Variants in DMD observed in about 807,000 individuals in gnomAD.
DMD encodes dystrophin.
In DMD, 63 loss-of-function variants were observed where a neutral mutation model predicts 330.1. The observed-to-expected ratio is 0.19, with a 90% CI of 0.16 to 0.24. The LOEUF (loss-of-function observed/expected upper bound fraction) is 0.24. Among genes scored for constraint, DMD ranks in the 10% least tolerant of loss-of-function variants. The probability of loss-of-function intolerance (pLI) is 1.00; values close to 1 mark genes in which losing one functional copy is unlikely to be tolerated. For synonymous variants in DMD, 1,223 were observed against 959.8 expected, an observed-to-expected ratio of 1.27 and a Z score of -5.07; for missense variants, 3,344 against 2,684.1, an observed-to-expected ratio of 1.25 and a Z score of -5.43.
Position 32,427,184 on chromosome X carries a change from A to C in DMD, c.4071+11057T>G, listed in dbSNP as rs141307784. On this transcript the variant is annotated intron_variant, in intron 29 of 78. Coordinates refer to ENST00000357033, the MANE Select transcript of DMD (RefSeq NM_004006.3). ...GCTGGTAAAGAAAGACAAGAATCAA[A>C]GTTCATTTTAAAAGTTTTGGTATGA... 5.2e-3 allele frequency among the ~76,000 whole-genome samples: 577 copies of C among 111,816 alleles called. 4 individuals are homozygous for C. Among genetic ancestry groups the C allele is most frequent in the South Asian group, 0.048 (129 of 2,681 alleles).
chrX:33,129,320 G>GTTTGCTTTTTT (rs2095483453), intron 1 of DMD, among the ~76,000 whole-genome samples: 2 of 26,741 alleles, frequency 7.5e-5, no homozygotes, highest in African/African-American at 1.9e-4. Flanking sequence ...TACAGTTAAG[G>GTTTGCTTTTTT]TTTGCTTTTT....
At chrX:32,326,282 G>A (rs955014347) in intron 41 of DMD, among the ~76,000 whole-genome samples, 5 of 111,780 alleles carry the variant, frequency 4.5e-5, no homozygotes, top group African/African-American at 1.6e-4. Flanking sequence ...AAAGCAGGCA[G>A]TTAAAAAAAC....
intron 16 of DMD, among the ~76,000 whole-genome samples, chrX:32,550,621 A>G (rs1382145703): frequency 9.0e-6 from 1 of 110,817 alleles, no homozygotes; most frequent in Non-Finnish European, 1.9e-5. Context: ...AAGACAGGAA[A>G]TAACCAAAAT....
intron 25 of DMD, among the ~76,000 whole-genome samples, chrX:32,456,618 ATG>A (rs776009074): frequency 0.1 from 7,026 of 69,211 alleles, 214 homozygotes; most frequent in East Asian, 0.18. Context: ...GTGTGTGTGT[ATG>A]TGTGTGTGTG....
At chrX:32,873,417 C>A (rs972042648) in intron 2 of DMD, among the ~76,000 whole-genome samples, 2 of 110,263 alleles carry the variant, frequency 1.8e-5, no homozygotes, top group African/African-American at 6.6e-5. Flanking sequence ...ATATTAGAAC[C>A]ACCTGGATGA....
intron 67 of DMD, 124 bp downstream of exon 67, chrX:31,203,837 T>A: frequency 1.7e-6 from 1 of 596,453 alleles, no homozygotes; most frequent in Middle Eastern, 4.4e-4. Context: ...GTTCCAAATA[T>A]CCCAAATCCC....
At chrX:31,614,795 A>G (rs772464751) in intron 55 of DMD, among the ~76,000 whole-genome samples, 7 of 112,211 alleles carry the variant, frequency 6.2e-5, no homozygotes, top group Admixed American at 1.9e-4. Context: ...TTATTTTAAT[A>G]TAATTTAGAA....
At chrX:32,236,075 A>C (rs2097186585) in intron 43 of DMD, among the ~76,000 whole-genome samples, 1 of 112,056 alleles carries the variant, frequency 8.9e-6, no homozygotes, top group Admixed American at 9.5e-5. Context: ...ATAGTATTTG[A>C]GGTGATAGGA....
At chrX:31,414,562 T>C (rs907908683) in intron 60 of DMD, among the ~76,000 whole-genome samples, 2 of 112,179 alleles carry the variant, frequency 1.8e-5, no homozygotes, top group African/African-American at 6.5e-5. Flanking sequence ...AGACATTTAA[T>C]TAAAGTTCCA....
intron 1 of DMD, among the ~76,000 whole-genome samples, chrX:33,199,365 TA>T (rs1001729448): frequency 9.0e-6 from 1 of 110,662 alleles, no homozygotes; most frequent in African/African-American, 3.3e-5. Flanking sequence ...AATAACTGGG[TA>T]AAAAAGATCA....
At chrX:31,177,780 GAA>G in intron 71 of DMD, 150 bp downstream of exon 71, 1 of 447,437 alleles carries the variant, frequency 2.2e-6, no homozygotes, top group Non-Finnish European at 3.7e-6. Context: ...ATCAAGAAAA[GAA>G]AAAAAAAAAC....
chrX:31,369,554 T>A (rs1234447735), intron 60 of DMD, among the ~76,000 whole-genome samples: 1 of 111,639 alleles, frequency 9.0e-6, no homozygotes, highest in African/African-American at 3.3e-5. Flanking sequence ...GGGTGAAGCG[T>A]AGCGTTCATA....
intron 52 of DMD, among the ~76,000 whole-genome samples, chrX:31,701,333 CT>C (rs765047715): frequency 8.9e-6 from 1 of 112,171 alleles, no homozygotes; most frequent in South Asian, 3.7e-4. Context: ...CACCATCCAA[CT>C]ATTCAAGTTA....
intron 7 of DMD, among the ~76,000 whole-genome samples, chrX:32,777,409 A>T (rs185852349): frequency 9.1e-6 from 1 of 109,350 alleles, no homozygotes; most frequent in Non-Finnish European, 1.9e-5. Flanking sequence ...CAAGTATGGA[A>T]TTTCTCAGAA....
At chrX:31,177,493 G>T (rs2148273769) in intron 71 of DMD, among the ~76,000 whole-genome samples, 1 of 111,634 alleles carries the variant, frequency 9.0e-6, no homozygotes, top group Non-Finnish European at 1.9e-5. Flanking sequence ...ATTTTTAATA[G>T]TCCACTTATA....
intron 2 of DMD, 64 bp from the exon 3 acceptor site, chrX:32,849,884 T>C (rs1049864748): frequency 2.4e-6 from 2 of 835,718 alleles, no homozygotes; most frequent in Admixed American, 4.5e-5. Flanking sequence ...TTTTCACGAT[T>C]ATCCCCTTTT....
intron 47 of DMD, among the ~76,000 whole-genome samples, chrX:31,922,777 C>A (rs954036858): frequency 2.7e-5 from 3 of 111,409 alleles, no homozygotes; most frequent in African/African-American, 9.8e-5. Context: ...CCATACACAG[C>A]GTAACATTTC....
chrX:31,184,065 C>G (rs1199075750), intron 67 of DMD, among the ~76,000 whole-genome samples: 1 of 110,483 alleles, frequency 9.1e-6, no homozygotes, highest in Non-Finnish European at 1.9e-5. Context: ...CACGCCACCC[C>G]ACCCGGCTAC....
intron 53 of DMD, among the ~76,000 whole-genome samples, chrX:31,678,115 C>A (rs1022663201): frequency 1.8e-5 from 2 of 112,024 alleles, no homozygotes; most frequent in Non-Finnish European, 3.8e-5. Context: ...TATGATATAA[C>A]CAAGAAAGCA....
Sources: allele counts gnomAD v4.1 joint callset (sites outside exome capture counted in the v4.1 genomes callset), GRCh38; gene constraint gnomAD v4.1.1; transcripts MANE v1.5; gene names NCBI Gene and HGNC (gene_info 2026-07-23, HGNC 2026-07-21).